KRT32: variants seen among roughly 807,000 people sequenced by gnomAD.
The protein encoded by KRT32 is keratin, type I cuticular Ha2.
A neutral mutation model predicts 41.8 loss-of-function variants in KRT32; 44 were observed. That is an observed-to-expected ratio of 1.05 (90% CI 0.83 to 1.35). The LOEUF (loss-of-function observed/expected upper bound fraction) is 1.35, where lower values mean the gene tolerates loss of function less well. KRT32 is among the 40% of genes most tolerant of loss of function. KRT32 has a pLI of 0.00. For missense variants in KRT32, 576 were observed against 584.6 expected (o/e 0.99, Z 0.15); for synonymous variants, 238 against 242.5 (o/e 0.98, Z 0.17).
intron 6 of KRT32, among the ~76,000 whole-genome samples, chr17:41,462,107 T>C (rs1185215530): frequency 2.0e-5 from 3 of 152,204 alleles, no homozygotes; most frequent in African/African-American, 7.2e-5. Context: ...GCATCTACTA[T>C]GTGCCACGTA....
intron 3 of KRT32, 41 bp downstream of exon 3, chr17:41,465,731 CT>C: frequency 1.3e-6 from 2 of 1,588,800 alleles, no homozygotes; most frequent in Non-Finnish European, 1.7e-6. Context: ...GTTCCTCCCC[CT>C]CTGCTTCCCG....
chr17:41,464,256 G>A, intron 4 of KRT32, 26 bp downstream of exon 4: 1 of 1,584,824 alleles, frequency 6.3e-7, no homozygotes, highest in Middle Eastern at 1.7e-4. Context: ...ATATGGAGGA[G>A]GCCATCCCCA....
chr17:41,465,586 C>A (rs1427346791), intron 3 of KRT32, among the ~76,000 whole-genome samples, 187 bp downstream of exon 3: 1 of 152,172 alleles, frequency 6.6e-6, no homozygotes, highest in African/African-American at 2.4e-5. Flanking sequence ...CTCACAATAA[C>A]CCTGCGTGAT....
intron 6 of KRT32, among the ~76,000 whole-genome samples, chr17:41,461,379 G>A (rs913560738): frequency 6.6e-6 from 1 of 152,206 alleles, no homozygotes; most frequent in Non-Finnish European, 1.5e-5. Context: ...GAGACTGACA[G>A]GCATGCACTC....
At position 41,460,236 on chromosome 17, in the gene KRT32, C is replaced by A. The variant is rs2018988074; in HGVS notation, c.1221G>T (p.Leu407=). ...AAGGAGTGGAGCATGGGTTACAGGG[C>A]AGCCTGCAGGAGAAAGTCAAAGAGA... is the stretch of plus-strand genomic sequence containing the variant. ...RSLLENEDCK[L]PCNPCSTPSC... is the part of the protein sequence containing the mutation. Residue 407 remains leucine, a synonymous_variant, in exon 7 of 7, where the codon CTG becomes CTT. Coordinates refer to ENST00000225899, the MANE Select transcript of KRT32 (RefSeq NM_002278.3). 6.3e-7 allele frequency: 1 copy of A among 1,594,214 alleles called. No homozygotes were observed. The highest frequency in any genetic ancestry group is 8.5e-7 in the Non-Finnish European group (1 of 1,170,004).
At chr17:41,463,889 G>A (rs2019034635) in intron 5 of KRT32, among the ~76,000 whole-genome samples, 189 bp downstream of exon 5, 1 of 152,216 alleles carries the variant, frequency 6.6e-6, no homozygotes, top group Admixed American at 6.5e-5. Flanking sequence ...ACCCATGTCT[G>A]ATTTGAAACA....
chr17:41,465,915 A>C lies in KRT32; in HGVS notation c.566T>G (p.Leu189Arg), dbSNP rs1246506716. The C allele has an allele frequency of 1.2e-6, 2 of 1,613,716 alleles. No homozygotes were observed. The highest frequency in any genetic ancestry group is 4.5e-5 in the East Asian group (2 of 44,866). ...DDFRAKYEAE[L>R]AMRQLVEADI... ...GGCCTCCACCAGCTGCCGCATGGCC[A>C]GCTCTGCCTCGTACCTGCACAAGGA... Residue 189 changes from leucine (L) to arginine (R), a missense_variant, in exon 3 of 7, where the codon CTG (leucine) becomes CGG (arginine). Leu to Arg is a moderately radical substitution (Grantham distance 102). Transcript: ENST00000225899.
rs1326212790 is a variant in KRT32, at chr17:41,459,957, T to G, written c.*153A>C. 1.4e-5 allele frequency: 10 copies of G among 723,298 alleles called. No individual in the cohort carries two copies. The highest frequency in any genetic ancestry group is 2.2e-5 in the Non-Finnish European group (10 of 454,608). 44.8% of individuals were successfully genotyped at this position (723,298 alleles called of 1,614,324 possible). A position where few individuals can be genotyped will look rare whatever the true frequency, so the allele number is the denominator to read the frequency against. ...AGTTTTGAAGTGATGAGGGCTTAAGTATCCCCTGGAGTATCAGAGCTTGTT... is the reference window on the plus strand; with the variant it reads ...AGTTTTGAAGTGATGAGGGCTTAAGGATCCCCTGGAGTATCAGAGCTTGTT... On this transcript the variant is annotated 3_prime_UTR_variant, in exon 7 of 7. Coordinates refer to ENST00000225899, the MANE Select transcript of KRT32 (RefSeq NM_002278.3).
At chr17:41,462,468 T>C (rs2071565) in intron 6 of KRT32, among the ~76,000 whole-genome samples, 95,271 of 151,980 alleles carry the variant, frequency 0.63, 29,945 homozygotes, top group East Asian at 0.66. Context: ...TCCTAAGCTC[T>C]GGACAGGCCA....
At chr17:41,462,738 C>G in intron 6 of KRT32, 92 bp downstream of exon 6, 2 of 1,378,802 alleles carry the variant, frequency 1.5e-6, no homozygotes, top group Non-Finnish European at 2.0e-6. Context: ...GGGTTCTAAG[C>G]TGATGGTCCC....
rs2019022599 is a variant in KRT32 at position 41,462,980 on chromosome 17, C to A, written c.1067G>T (p.Cys356Phe). The A allele has an allele frequency of 1.2e-6, 2 of 1,613,948 alleles. No individual in the cohort carries two copies. Among genetic ancestry groups the A allele is most frequent in the African/African-American group, 1.3e-5 (1 of 74,918 alleles). Residue 356 changes from cysteine to phenylalanine, a missense_variant, in exon 6 of 7, where the codon TGC becomes TTC. Cys to Phe is a radical substitution (Grantham distance 205). Coordinates refer to ENST00000225899, the MANE Select transcript of KRT32 (RefSeq NM_002278.3). ...RYSSQLAQMQCMITNVEAQLA... is the reference protein window; with the variant it reads ...RYSSQLAQMQFMITNVEAQLA... ...CTGGGCCTCAACGTTGGTGATCATG[C>A]ACTGCATCTGGGCCAGCTGGGAGCT...
Position 41,462,840 on chromosome 17 carries a change from C to T in KRT32, c.1207G>A (p.Glu403Lys), listed in dbSNP as rs2144447881. 3 of 1,613,308 alleles carry T rather than the reference C, an allele frequency of 1.9e-6. No homozygotes were observed. The highest frequency in any genetic ancestry group is 2.5e-6 in the Non-Finnish European group (3 of 1,179,884). The change falls in exon 6 of 7, where the codon GAG becomes AAG. Residue 403 changes from glutamate to lysine, a missense_variant. Coordinates refer to ENST00000225899, the MANE Select transcript of KRT32 (RefSeq NM_002278.3). ...INTYRSLLEN[E>K]DCKLPCNPCS... ...GCTGGGCCTGCGTACTTGCAGTCCT[C>T]GTTCTCCAGCAGGCTCCGGTACGTG...
rs774430230 is a variant in KRT32 at position 41,465,913 on chromosome 17, C to T, written c.568G>A (p.Ala190Thr). 12 of 1,613,708 alleles carry T rather than the reference C, an allele frequency of 7.4e-6. No homozygotes were observed. The highest frequency in any genetic ancestry group is 1.0e-5 in the Non-Finnish European group (12 of 1,179,670). The change falls in exon 3 of 7, where the codon GCC becomes ACC. Residue 190 changes from alanine to threonine, a missense_variant. Transcript: ENST00000225899. Reference protein sequence around the residue: ...DFRAKYEAELAMRQLVEADIN... With the variant: ...DFRAKYEAELTMRQLVEADIN... The stretch of plus-strand genomic sequence containing the variant: ...TCGGCCTCCACCAGCTGCCGCATGG[C>T]CAGCTCTGCCTCGTACCTGCACAAG...
At chr17:41,461,830 A>G (rs749283225) in intron 6 of KRT32, among the ~76,000 whole-genome samples, 9 of 152,268 alleles carry the variant, frequency 5.9e-5, no homozygotes, top group Non-Finnish European at 1.0e-4. Flanking sequence ...AAACAGCTAC[A>G]ACAGTCGTCA....
At chr17:41,461,512 T>C (rs961210878) in intron 6 of KRT32, among the ~76,000 whole-genome samples, 1 of 152,220 alleles carries the variant, frequency 6.6e-6, no homozygotes, top group Non-Finnish European at 1.5e-5. Context: ...TATATTTTCT[T>C]TAATTTTTTG....
intron 6 of KRT32, among the ~76,000 whole-genome samples, chr17:41,460,774 G>C (rs1444819580): frequency 1.3e-5 from 2 of 152,032 alleles, no homozygotes; most frequent in Non-Finnish European, 2.9e-5. Flanking sequence ...CTAGATGACG[G>C]GTTGATAGGC....
chr17:41,463,823 C>A (rs191181714), intron 5 of KRT32, among the ~76,000 whole-genome samples: 1 of 152,156 alleles, frequency 6.6e-6, no homozygotes, highest in Non-Finnish European at 1.5e-5. Flanking sequence ...TTTGGAAGGG[C>A]AGGCTAAGCA....
At chr17:41,464,030 G>A (rs372726827) in intron 5 of KRT32, 48 bp downstream of exon 5, 43 of 1,506,492 alleles carry the variant, frequency 2.9e-5, no homozygotes, top group Non-Finnish European at 3.7e-5. Context: ...CCTATGCTCA[G>A]TACCGCCTAG....
chr17:41,460,289 G>T, intron 6 of KRT32, 50 bp from the exon 7 acceptor site: 1 of 1,549,266 alleles, frequency 6.5e-7, no homozygotes, highest in Non-Finnish European at 8.7e-7. Context: ...AGGCCCACTC[G>T]GCCACAGGTC....
Sources: allele counts gnomAD v4.1 joint callset (sites outside exome capture counted in the v4.1 genomes callset), GRCh38; gene constraint gnomAD v4.1.1; transcripts MANE v1.5; gene names NCBI Gene and HGNC (gene_info 2026-07-23, HGNC 2026-07-21).